HSD17B12: variants seen among roughly 807,000 people sequenced by gnomAD.
The protein encoded by HSD17B12 is very-long-chain 3-oxoacyl-CoA reductase.
In HSD17B12, 32 loss-of-function variants were observed where a neutral mutation model predicts 39.3. The ratio of observed to expected loss-of-function variants is 0.81; its 90% CI spans 0.61 to 1.09. HSD17B12 has a LOEUF of 1.09. HSD17B12 is among the 50% of genes least tolerant of loss of function. HSD17B12 has a pLI of 0.00. For synonymous variants in HSD17B12, 150 were observed against 146.7 expected (o/e 1.02, Z -0.16); for missense variants, 342 against 382.9 (o/e 0.89, Z 0.89).
At chr11:43,590,506 A>ATTTTT in the HSD17B12 span, among the ~76,000 whole-genome samples, 70 of 51,606 alleles carry the variant, frequency 1.4e-3, 12 homozygotes, top group East Asian at 0.012. Context: ...GGAGTGAGTG[A>ATTTTT]TTTTTTTTTT....
chr11:43,577,620 C>A, the HSD17B12 span, among the ~76,000 whole-genome samples: 3 of 152,104 alleles, frequency 2.0e-5, no homozygotes, highest in South Asian at 6.2e-4. Context: ...GCCCCCCATA[C>A]CCCCGTATTC....
At chr11:43,631,814 T>C in the HSD17B12 span, among the ~76,000 whole-genome samples, 1 of 152,198 alleles carries the variant, frequency 6.6e-6, no homozygotes, top group South Asian at 2.1e-4. Context: ...TGGTATTTGA[T>C]AGAGAGCTGA....
At chr11:43,846,628 G>A (rs147214170) in intron 9 of HSD17B12, among the ~76,000 whole-genome samples, 41 of 152,302 alleles carry the variant, frequency 2.7e-4, no homozygotes, top group Admixed American at 8.5e-4. Context: ...TCACACCCCT[G>A]CATACTAGCC....
intron 1 of HSD17B12, among the ~76,000 whole-genome samples, chr11:43,746,294 A>G (rs1950412147): frequency 6.6e-6 from 1 of 152,244 alleles, no homozygotes; most frequent in African/African-American, 2.4e-5. Flanking sequence ...TAGCTTAAAA[A>G]AGAAACACAT....
intron 7 of HSD17B12, among the ~76,000 whole-genome samples, chr11:43,832,095 A>G (rs1271942251): frequency 1.3e-5 from 2 of 152,168 alleles, no homozygotes; most frequent in Non-Finnish European, 2.9e-5. Flanking sequence ...TTATTTTAGT[A>G]ACACTTCCCT....
chr11:43,588,113 C>T, the HSD17B12 span, among the ~76,000 whole-genome samples: 1 of 152,210 alleles, frequency 6.6e-6, no homozygotes, highest in African/African-American at 2.4e-5. Flanking sequence ...TCAGCATCTT[C>T]AGAATTCTTA....
chr11:43,581,602 C>T, the HSD17B12 span: 6 of 381,790 alleles, frequency 1.6e-5, no homozygotes, highest in African/African-American at 1.0e-4. The surrounding 1 kb of genome is among the most constrained non-coding windows in gnomAD (Gnocchi z 4.9). Context: ...TCGGCCCTTT[C>T]CCCCGTCCTT....
intron 1 of HSD17B12, among the ~76,000 whole-genome samples, chr11:43,739,727 A>T (rs887689117): frequency 6.6e-6 from 1 of 152,224 alleles, no homozygotes. Flanking sequence ...GAAGGGACAC[A>T]TTAAAACCAT....
intron 3 of HSD17B12, among the ~76,000 whole-genome samples, chr11:43,757,190 A>G (rs1245834616): frequency 6.6e-6 from 1 of 152,188 alleles, no homozygotes; most frequent in Non-Finnish European, 1.5e-5. Context: ...TCAAAGACAG[A>G]CTAACTCTGC....
At chr11:43,825,797 C>T (rs1951229434) in intron 6 of HSD17B12, among the ~76,000 whole-genome samples, 1 of 152,238 alleles carries the variant, frequency 6.6e-6, no homozygotes, top group Non-Finnish European at 1.5e-5. Context: ...ATGATAACCA[C>T]TCTGCATTGT....
At chr11:43,656,427 T>A in the HSD17B12 span, among the ~76,000 whole-genome samples, 1 of 152,226 alleles carries the variant, frequency 6.6e-6, no homozygotes, top group Non-Finnish European at 1.5e-5. Context: ...CTTAGTTATT[T>A]CTTGCCTTCT....
At chr11:43,579,993 C>CACTAT in the HSD17B12 span, among the ~76,000 whole-genome samples, 12 of 151,898 alleles carry the variant, frequency 7.9e-5, no homozygotes, top group African/African-American at 2.9e-4. Flanking sequence ...AGGTTTCCCC[C>CACTAT]ACTGGGGGAC....
At chr11:43,789,683 T>A (rs2135027760) in intron 3 of HSD17B12, among the ~76,000 whole-genome samples, 1 of 152,296 alleles carries the variant, frequency 6.6e-6, no homozygotes, top group African/African-American at 2.4e-5. Context: ...CATTGTGGTT[T>A]CATGCCTGTA....
chr11:43,840,186 A>G, intron 9 of HSD17B12, 122 bp downstream of exon 9: 1 of 683,054 alleles, frequency 1.5e-6, no homozygotes, highest in South Asian at 2.1e-5. Flanking sequence ...ACATTAGCAC[A>G]CCATTAAAAA....
rs1431543812 is a variant in HSD17B12, at chr11:43,718,736, G to C, written c.161-32175G>C. 10 of 1,272,552 alleles carry C rather than the reference G, an allele frequency of 7.9e-6. No individual in the cohort carries two copies. The East Asian group carries it at 1.8e-4, about 23-fold the overall frequency. The allele number at this position is 1,272,552 out of a possible 1,614,324, so 78.8% of individuals were successfully genotyped here. ...TCCTAAAGCTGAAGCCAAAGCAAAG[G>C]CTTTAAAGGCCAAGAAGGCAGTGTT... On this transcript the variant is annotated intron_variant, in intron 1 of 10. Coordinates refer to ENST00000278353, the MANE Select transcript of HSD17B12 (RefSeq NM_016142.3).
chr11:43,731,015 G>A (rs1950262374), intron 1 of HSD17B12, among the ~76,000 whole-genome samples: 2 of 148,466 alleles, frequency 1.3e-5, no homozygotes, highest in Admixed American at 1.3e-4. Context: ...TTTTTTTTTC[G>A]AGACAGAGTT....
the HSD17B12 span, among the ~76,000 whole-genome samples, chr11:43,561,827 CT>C: frequency 6.6e-6 from 1 of 152,156 alleles, no homozygotes; most frequent in Admixed American, 6.5e-5. Context: ...AGTTAGTGGA[CT>C]GGAAGACCAA....
intron 3 of HSD17B12, among the ~76,000 whole-genome samples, chr11:43,792,157 G>A (rs1226895749): frequency 2.0e-5 from 3 of 152,256 alleles, no homozygotes; most frequent in South Asian, 2.1e-4. Context: ...GTAAGGATAC[G>A]GTAAGGCCTA....
chr11:43,575,607 G>T, the HSD17B12 span, among the ~76,000 whole-genome samples: 2 of 152,210 alleles, frequency 1.3e-5, no homozygotes, highest in Non-Finnish European at 2.9e-5. The surrounding 1 kb of genome is among the most constrained non-coding windows in gnomAD (Gnocchi z 4.1). Flanking sequence ...CAAGCCTGGG[G>T]TGGCGCCCGC....
Sources: gnomAD v4.1 joint callset for allele counts (sites outside exome capture counted in the v4.1 genomes callset) on GRCh38, gnomAD v4.1.1 for gene constraint, Gnocchi (gnomAD v3.1) non-coding constraint, MANE v1.5 for transcripts, NCBI Gene and HGNC (gene_info 2026-07-23, HGNC 2026-07-21) for gene names.